NTN4: variants seen among roughly 807,000 people sequenced by gnomAD.
NTN4 encodes the protein netrin 4, also known as netrin-4.
Under a neutral mutation model 73.6 loss-of-function variants are expected in NTN4, and 32 were observed. That is an observed-to-expected ratio of 0.44 (90% CI 0.33 to 0.58). The LOEUF (loss-of-function observed/expected upper bound fraction) is 0.58. NTN4 is among the 20% of genes least tolerant of loss of function. The pLI, the probability that NTN4 is intolerant of heterozygous loss-of-function variation, is 0.04. For missense variants in NTN4, 654 were observed against 798.3 expected, an observed-to-expected ratio of 0.82 and a Z score of 2.18; for synonymous variants, 258 against 287.5, an observed-to-expected ratio of 0.90 and a Z score of 1.04.
intron 5 of NTN4, among the ~76,000 whole-genome samples, chr12:95,702,008 G>A (rs1224047391): frequency 5.9e-5 from 9 of 152,024 alleles, no homozygotes; most frequent in African/African-American, 1.2e-4. Flanking sequence ...GGCTGGGCGC[G>A]GTGGCTCACG....
At chr12:95,665,778 T>G (rs2078174571) in intron 9 of NTN4, 32 bp downstream of exon 9, 2 of 1,543,370 alleles carry the variant, frequency 1.3e-6, no homozygotes, top group South Asian at 1.2e-5. Flanking sequence ...AGAGACAAGG[T>G]AGGTACTAAG....
chr12:95,727,620 A>C (rs2078704673), intron 3 of NTN4, among the ~76,000 whole-genome samples: 1 of 152,194 alleles, frequency 6.6e-6, no homozygotes, highest in Non-Finnish European at 1.5e-5. Flanking sequence ...CCACAAATGT[A>C]TAAGTTTATT....
intron 7 of NTN4, among the ~76,000 whole-genome samples, chr12:95,671,540 G>A (rs538562585): frequency 1.3e-5 from 2 of 152,308 alleles, no homozygotes; most frequent in African/African-American, 4.8e-5. Flanking sequence ...AACTGTGCAT[G>A]TGAGGGCTCT....
At chr12:95,676,247 G>T (rs1002357746) in intron 7 of NTN4, among the ~76,000 whole-genome samples, 1 of 151,910 alleles carries the variant, frequency 6.6e-6, no homozygotes, top group Non-Finnish European at 1.5e-5. Flanking sequence ...GGGATCACAG[G>T]TACGCGCCAC....
intron 2 of NTN4, among the ~76,000 whole-genome samples, chr12:95,769,270 G>A (rs1289578443): frequency 2.6e-5 from 4 of 152,030 alleles, no homozygotes; most frequent in African/African-American, 9.7e-5. Context: ...GAAGGACAGG[G>A]GGCAGTGGAA....
intron 4 of NTN4, among the ~76,000 whole-genome samples, chr12:95,712,792 T>C (rs1448518200): frequency 9.3e-4 from 133 of 143,304 alleles, no homozygotes; most frequent in Non-Finnish European, 1.4e-3. Context: ...TCTTTCTTTT[T>C]TTTTTTTTTT....
At chr12:95,696,518 T>C (rs1163278408) in intron 5 of NTN4, among the ~76,000 whole-genome samples, 1 of 152,206 alleles carries the variant, frequency 6.6e-6, no homozygotes, top group Non-Finnish European at 1.5e-5. Flanking sequence ...CCACATCGTT[T>C]TATCGCTGTA....
At chr12:95,714,377 C>T (rs2078590147) in intron 3 of NTN4, among the ~76,000 whole-genome samples, 1 of 151,988 alleles carries the variant, frequency 6.6e-6, no homozygotes, top group South Asian at 2.1e-4. Context: ...AAGTGTGGAT[C>T]TAAGAGGTTT....
intron 7 of NTN4, among the ~76,000 whole-genome samples, chr12:95,679,520 C>T (rs2120977426): frequency 6.6e-6 from 1 of 152,206 alleles, no homozygotes; most frequent in South Asian, 2.1e-4. Context: ...TTTCCAACTC[C>T]AACAATCCTT....
intron 6 of NTN4, among the ~76,000 whole-genome samples, chr12:95,683,184 T>A (rs1013711591): frequency 1.3e-5 from 2 of 152,260 alleles, no homozygotes; most frequent in African/African-American, 4.8e-5. Flanking sequence ...CTCAGCCTCC[T>A]GAGTAGCCGG....
At chr12:95,778,316 C>G (rs9873287) in intron 2 of NTN4, among the ~76,000 whole-genome samples, 92,803 of 151,386 alleles carry the variant, frequency 0.61, 29,081 homozygotes, top group South Asian at 0.78. Flanking sequence ...AAGATCAGAG[C>G]AGAACTGAAG....
rs147219284 is a variant in NTN4 at position 95,665,871 on chromosome 12, C to T, written c.1689G>A (p.Lys563=). The T allele has an allele frequency of 6.6e-5, 107 of 1,614,026 alleles. No individual in the cohort carries two copies. The African/African-American group carries it at 1.2e-3, about 18-fold the overall frequency. The change falls in exon 9 of 10, where the codon AAG becomes AAA. Residue 563 remains lysine (K), a synonymous_variant. Transcript: ENST00000343702. ...KSTKLKIFRG[K]RTLYPESWTD... ...TCCATGATTCTGGATATAATGTTCG[C>T]TTTCCTCGGAAAATCTTCAGTTTGG...
chr12:95,745,157 G>A (rs2078853343), intron 2 of NTN4, among the ~76,000 whole-genome samples: 1 of 151,808 alleles, frequency 6.6e-6, no homozygotes. Flanking sequence ...TTGTGTTTAA[G>A]GTTTGTTGCA....
At chr12:95,754,631 T>C (rs2078935359) in intron 2 of NTN4, among the ~76,000 whole-genome samples, 1 of 152,132 alleles carries the variant, frequency 6.6e-6, no homozygotes, top group African/African-American at 2.4e-5. Flanking sequence ...AACTGAGTGA[T>C]TAACCCTGTG....
intron 2 of NTN4, among the ~76,000 whole-genome samples, chr12:95,747,903 C>T (rs1214066854): frequency 1.3e-5 from 2 of 152,012 alleles, no homozygotes; most frequent in Non-Finnish European, 2.9e-5. Flanking sequence ...ACACCCCCTT[C>T]AACATAACTA....
At chr12:95,767,100 C>T (rs181440930) in intron 2 of NTN4, among the ~76,000 whole-genome samples, 56 of 152,238 alleles carry the variant, frequency 3.7e-4, no homozygotes, top group African/African-American at 1.3e-3. Context: ...GGATTGAGTC[C>T]AAACTGCTCC....
chr12:95,735,663 C>T (rs2078770392), intron 3 of NTN4, among the ~76,000 whole-genome samples: 1 of 152,110 alleles, frequency 6.6e-6, no homozygotes, highest in Non-Finnish European at 1.5e-5. Flanking sequence ...TCTTTACAGG[C>T]TGATAATTTT....
Position 95,683,265 on chromosome 12 carries a change from T to C in NTN4, c.1394+233A>G, listed in dbSNP as rs565732455. On this transcript the variant is annotated intron_variant, in intron 6 of 9. Coordinates refer to ENST00000343702, the MANE Select transcript of NTN4 (RefSeq NM_021229.4). ...TTAGTAGAGATGGGGTTTCATCATG[T>C]TGGCCAGGCTGGCCTCGAACTCCTG... 6.1e-4 allele frequency among the ~76,000 whole-genome samples: 93 copies of C among 152,270 alleles called. 1 individual carries two copies. The highest frequency in any genetic ancestry group is 3.6e-3 in the Admixed American group (55 of 15,302).
At chr12:95,747,196 A>G (rs1257386408) in intron 2 of NTN4, among the ~76,000 whole-genome samples, 2 of 152,186 alleles carry the variant, frequency 1.3e-5, no homozygotes, top group Non-Finnish European at 2.9e-5. Flanking sequence ...AGAAAATATA[A>G]GCATCTAAAC....
Sources: gnomAD v4.1 joint callset for allele counts (sites outside exome capture counted in the v4.1 genomes callset) on GRCh38, gnomAD v4.1.1 for gene constraint, MANE v1.5 for transcripts, NCBI Gene and HGNC (gene_info 2026-07-23, HGNC 2026-07-21) for gene names.